The following CATSPERE variants were observed in gnomAD, a reference collection of about 807,000 sequenced individuals.
CATSPERE encodes the protein cation channel sperm-associated auxiliary subunit epsilon.
A neutral mutation model predicts 114.1 loss-of-function variants in CATSPERE; 93 were observed. The ratio of observed to expected loss-of-function variants is 0.81; its 90% confidence interval spans 0.69 to 0.97. The LOEUF is 0.97. Among genes scored for constraint, CATSPERE ranks in the 50% least tolerant of loss-of-function variants. CATSPERE has a pLI of 0.00. For missense variants in CATSPERE, 1,058 were observed against 1,131.6 expected, an observed-to-expected ratio of 0.93 and a Z score of 0.93; for synonymous variants, 341 against 384.1, an observed-to-expected ratio of 0.89 and a Z score of 1.31.
At chr1:244,454,455 G>T (rs1263002406) in exon 1 of CATSPERE, 2 of 151,992 alleles carry the variant, frequency 1.3e-5, no homozygotes, top group African/African-American at 4.8e-5. Flanking sequence ...TAAGAATCTC[G>T]TCTATGTTTC....
At chr1:244,615,624 T>C (rs886224247) in intron 19 of CATSPERE, among the ~76,000 whole-genome samples, 1 of 152,068 alleles carries the variant, frequency 6.6e-6, no homozygotes, top group Non-Finnish European at 1.5e-5. Context: ...AGCTCCACTG[T>C]AATCTTACGG....
chr1:244,619,715 T>A (rs941060384), intron 20 of CATSPERE, among the ~76,000 whole-genome samples: 2 of 152,182 alleles, frequency 1.3e-5, no homozygotes, highest in African/African-American at 4.8e-5. Context: ...CTAATTCTCA[T>A]CTGGAAAGTT....
At chr1:244,616,854 T>G (rs982103532) in intron 19 of CATSPERE, among the ~76,000 whole-genome samples, 2 of 152,216 alleles carry the variant, frequency 1.3e-5, no homozygotes, top group Non-Finnish European at 2.9e-5. Context: ...CAAGGCTTCC[T>G]GTTTCCTTCA....
intron 1 of CATSPERE, among the ~76,000 whole-genome samples, chr1:244,456,152 G>C (rs964246263): frequency 1.4e-5 from 2 of 140,716 alleles, no homozygotes; most frequent in Non-Finnish European, 3.0e-5. Context: ...GATTGGCTTT[G>C]GGTTGCGTTG....
chr1:244,604,752 G>A (rs1193445918), intron 17 of CATSPERE, among the ~76,000 whole-genome samples: 3 of 152,358 alleles, frequency 2.0e-5, no homozygotes, highest in Admixed American at 2.0e-4. Flanking sequence ...AAGTTCTGGT[G>A]TGCAAAGGCA....
At chr1:244,503,224 T>C (rs1385871551) in intron 7 of CATSPERE, among the ~76,000 whole-genome samples, 2 of 152,220 alleles carry the variant, frequency 1.3e-5, no homozygotes, top group East Asian at 1.9e-4. Flanking sequence ...TCTCTTTGTC[T>C]TTTGTTTTCT....
At chr1:244,619,707 A>G (rs909529416) in intron 20 of CATSPERE, among the ~76,000 whole-genome samples, 1 of 152,192 alleles carries the variant, frequency 6.6e-6, no homozygotes, top group Non-Finnish European at 1.5e-5. Context: ...TATTATGCCT[A>G]ATTCTCATCT....
At chr1:244,594,768 C>G (rs1346947461) in intron 17 of CATSPERE, among the ~76,000 whole-genome samples, 1 of 152,142 alleles carries the variant, frequency 6.6e-6, no homozygotes, top group Non-Finnish European at 1.5e-5. Flanking sequence ...GTTTTGCTAC[C>G]AGAACTTTTC....
At chr1:244,514,675 A>G (rs943690708) in intron 7 of CATSPERE, among the ~76,000 whole-genome samples, 15 of 151,970 alleles carry the variant, frequency 9.9e-5, no homozygotes, top group African/African-American at 3.6e-4. Context: ...TAAAAATACA[A>G]AAAATTAGCT....
chr1:244,581,137 A>G (rs1572861475), intron 11 of CATSPERE, among the ~76,000 whole-genome samples: 1 of 152,290 alleles, frequency 6.6e-6, no homozygotes, highest in South Asian at 2.1e-4. Flanking sequence ...TTGCATGTAT[A>G]TTATATACAC....
At chr1:244,485,772 A>G (rs1401397023) in intron 5 of CATSPERE, among the ~76,000 whole-genome samples, 4 of 149,794 alleles carry the variant, frequency 2.7e-5, no homozygotes, top group African/African-American at 7.4e-5. Context: ...ATCGTAGCTC[A>G]CGTAACCTCA....
At chr1:244,457,791 G>A (rs1025083635), upstream of CATSPERE, among the ~76,000 whole-genome samples, 2 of 152,060 alleles carry the variant, frequency 1.3e-5, no homozygotes, top group African/African-American at 2.4e-5. Context: ...GTCCAAAAAT[G>A]ACATTTGGCT....
At chr1:244,574,772 A>T (rs1433854392) in intron 11 of CATSPERE, among the ~76,000 whole-genome samples, 2 of 152,214 alleles carry the variant, frequency 1.3e-5, no homozygotes, top group Non-Finnish European at 2.9e-5. Flanking sequence ...GTCTGACTTC[A>T]CTGCATCCTG....
At chr1:244,589,222 G>T (rs1667411225) in intron 14 of CATSPERE, among the ~76,000 whole-genome samples, 1 of 152,152 alleles carries the variant, frequency 6.6e-6, no homozygotes, top group Admixed American at 6.5e-5. Flanking sequence ...CCTTCAGTTA[G>T]GAGTGGGAGT....
At chr1:244,558,601 G>A (rs1224349863) in intron 9 of CATSPERE, among the ~76,000 whole-genome samples, 1 of 152,064 alleles carries the variant, frequency 6.6e-6, no homozygotes, top group Non-Finnish European at 1.5e-5. Flanking sequence ...CTTCACAGTG[G>A]TGCCACCAAC....
At chr1:244,617,748 A>T (rs1413335097) in intron 20 of CATSPERE, 62 bp downstream of exon 20, 1 of 1,322,456 alleles carries the variant, frequency 7.6e-7, no homozygotes. Flanking sequence ...TATTTTTTTA[A>T]TTTGATGCAT....
intron 2 of CATSPERE, among the ~76,000 whole-genome samples, chr1:244,464,670 A>G (rs113481432): frequency 5.9e-5 from 9 of 151,916 alleles, no homozygotes; most frequent in Non-Finnish European, 1.2e-4. Flanking sequence ...GTGTTATTAA[A>G]TTTCCTATTT....
chr1:244,520,778 C>A (rs1180064634), intron 8 of CATSPERE, among the ~76,000 whole-genome samples: 2 of 152,156 alleles, frequency 1.3e-5, no homozygotes, highest in Non-Finnish European at 2.9e-5. Flanking sequence ...CCCAATTCCA[C>A]AGCAACTAAG....
At chr1:244,462,793 C>T (rs1667018458) in intron 1 of CATSPERE, among the ~76,000 whole-genome samples, 1 of 152,022 alleles carries the variant, frequency 6.6e-6, no homozygotes, top group African/African-American at 2.4e-5. Flanking sequence ...GCTATTAAGG[C>T]TTGTATAATT....
Sources: gnomAD v4.1 joint callset for allele counts (sites outside exome capture counted in the v4.1 genomes callset) on GRCh38, gnomAD v4.1.1 for gene constraint, MANE v1.5 for transcripts, NCBI Gene and HGNC (gene_info 2026-07-23, HGNC 2026-07-21) for gene names.